Variants in PPP2R2D observed in about 807,000 individuals in gnomAD.
PPP2R2D encodes protein phosphatase 2 regulatory subunit Bdelta, also known as serine/threonine-protein phosphatase 2A 55 kDa regulatory subunit B delta isoform.
Under a neutral mutation model 31.1 loss-of-function variants are expected in PPP2R2D, and 9 were observed. That is an observed-to-expected ratio of 0.29 (90% CI 0.17 to 0.51). The LOEUF is 0.51. Among genes scored for constraint, PPP2R2D ranks in the 20% least tolerant of loss-of-function variants. The pLI is 0.98. For synonymous variants in PPP2R2D, 179 were observed against 172.6 expected, an observed-to-expected ratio of 1.04 and a Z score of -0.29; for missense variants, 391 against 465.6, an observed-to-expected ratio of 0.84 and a Z score of 1.48.
chr10:131,932,432 T>G (rs2036252340), intron 2 of PPP2R2D, among the ~76,000 whole-genome samples: 1 of 152,068 alleles, frequency 6.6e-6, no homozygotes, highest in Non-Finnish European at 1.5e-5. Flanking sequence ...CACTTGAGAC[T>G]GAAGCGGGCT....
chr10:131,957,389 C>G lies in PPP2R2D; in HGVS notation c.*1426C>G, dbSNP rs530406422. 2 of 213,146 alleles carry G rather than the reference C, an allele frequency of 9.4e-6. No homozygotes were observed. Among genetic ancestry groups the G allele is most frequent in the South Asian group, 5.4e-5 (1 of 18,600 alleles). 13.2% of individuals were successfully genotyped at this position (213,146 alleles called of 1,614,324 possible). On this transcript the variant is annotated 3_prime_UTR_variant, in exon 9 of 9. Coordinates refer to ENST00000455566, the MANE Select transcript of PPP2R2D (RefSeq NM_018461.5). ...TGGAGATGGAGGTGTGTGCTGCTCC[C>G]TCGTGCCCCTGTGGAGATGGAGGTG...
intron 2 of PPP2R2D, among the ~76,000 whole-genome samples, chr10:131,916,396 T>G (rs1178390725): frequency 6.6e-6 from 1 of 152,006 alleles, no homozygotes; most frequent in Non-Finnish European, 1.5e-5. Flanking sequence ...TGGCATAATA[T>G]TTATCATTTT....
chr10:131,918,765 G>C (rs548962415), intron 2 of PPP2R2D, among the ~76,000 whole-genome samples: 1 of 138,038 alleles, frequency 7.2e-6, no homozygotes, highest in Non-Finnish European at 1.6e-5. Context: ...GACCTCACAC[G>C]GGTGGAATGA....
At position 131,956,513 on chromosome 10, in the gene PPP2R2D, A is replaced by G; in HGVS notation, c.*550A>G. Reference sequence around the variant, plus strand: ...CCACCCCTTCGGGTGTGAGCGCTCAATAAAAACAACACACTATAAAGTGTT... The same window carrying G: ...CCACCCCTTCGGGTGTGAGCGCTCAGTAAAAACAACACACTATAAAGTGTT... On this transcript the variant is annotated 3_prime_UTR_variant, in exon 9 of 9. Coordinates refer to ENST00000455566, the MANE Select transcript of PPP2R2D (RefSeq NM_018461.5). 2.0e-6 allele frequency: 2 copies of G among 985,528 alleles called. No individual in the cohort carries two copies. The highest frequency in any genetic ancestry group is 2.4e-6 in the Non-Finnish European group (2 of 829,984). 61.0% of individuals were successfully genotyped at this position (985,528 alleles called of 1,614,324 possible). A position where few individuals can be genotyped will look rare whatever the true frequency, so the allele number is the denominator to read the frequency against.
In PPP2R2D at chr10:131,919,637, C is replaced by T. The variant is rs112603347; in HGVS notation, c.101-14821C>T. ...TGGAATGACACAGTGTTTGTAGGGACCTCAGGCGGGTAGGATGACACAGTG... is the reference window on the plus strand; with the variant it reads ...TGGAATGACACAGTGTTTGTAGGGATCTCAGGCGGGTAGGATGACACAGTG... On this transcript the variant is annotated intron_variant, in intron 2 of 8. Transcript: ENST00000455566. Among the ~76,000 whole-genome samples the T allele has an allele frequency of 7.6e-3, 806 of 106,380 alleles. 3 individuals carry two copies. The highest frequency in any genetic ancestry group is 0.025 in the Middle Eastern group (4 of 158). The allele number at this position is 106,380 out of a possible 152,430, so 69.8% of individuals were successfully genotyped here.
At chr10:131,922,619 A>C (rs1489348779) in intron 2 of PPP2R2D, among the ~76,000 whole-genome samples, 2 of 151,874 alleles carry the variant, frequency 1.3e-5, no homozygotes, top group Non-Finnish European at 2.9e-5. Context: ...CACTTGGATA[A>C]TTTTTTATAT....
intron 8 of PPP2R2D, among the ~76,000 whole-genome samples, 160 bp from the exon 9 acceptor site, chr10:131,955,524 A>G (rs1369339907): frequency 1.3e-5 from 2 of 152,118 alleles, no homozygotes; most frequent in African/African-American, 2.4e-5. Flanking sequence ...TTTTCACTGC[A>G]TTTCTCTTCT....
intron 2 of PPP2R2D, among the ~76,000 whole-genome samples, chr10:131,915,542 C>T (rs2035763759): frequency 6.6e-6 from 1 of 152,236 alleles, no homozygotes; most frequent in African/African-American, 2.4e-5. Context: ...AACTCCCCAA[C>T]TCCGTTGCCC....
At chr10:131,965,699 G>A in the PPP2R2D span, among the ~76,000 whole-genome samples, 3 of 152,220 alleles carry the variant, frequency 2.0e-5, no homozygotes, top group Admixed American at 6.5e-5. Context: ...ACCCGCCCCA[G>A]CCTCCCAAAG....
At chr10:131,911,155 G>T (rs2035676806) in intron 2 of PPP2R2D, among the ~76,000 whole-genome samples, 3 of 152,206 alleles carry the variant, frequency 2.0e-5, no homozygotes, top group Non-Finnish European at 1.5e-5. Context: ...GGCTCTCGAA[G>T]TGGGGGGCAG....
At chr10:131,948,340 T>C (rs1017443448) in intron 8 of PPP2R2D, among the ~76,000 whole-genome samples, 18 of 77,142 alleles carry the variant, frequency 2.3e-4, no homozygotes, top group Non-Finnish European at 3.5e-4. Context: ...GGTTGAGAGT[T>C]ACGTTTTTTT....
At chr10:131,953,111 G>C (rs1176850556) in intron 8 of PPP2R2D, among the ~76,000 whole-genome samples, 1 of 140,504 alleles carries the variant, frequency 7.1e-6, no homozygotes, top group Non-Finnish European at 1.5e-5. Context: ...GACTTGCGGG[G>C]GTTCCCTGTC....
chr10:131,932,554 C>T (rs782154127), intron 2 of PPP2R2D, among the ~76,000 whole-genome samples: 44 of 147,746 alleles, frequency 3.0e-4, no homozygotes, highest in Non-Finnish European at 5.3e-4. Context: ...GTAATCCCGG[C>T]GACGCAGGAG....
At chr10:131,908,059 G>C (rs1329491928) in intron 2 of PPP2R2D, among the ~76,000 whole-genome samples, 3 of 152,162 alleles carry the variant, frequency 2.0e-5, no homozygotes, top group Non-Finnish European at 4.4e-5. Context: ...GTTGCAACTT[G>C]AAAAGTGCTT....
chr10:131,935,593 T>A (rs2036324315), intron 3 of PPP2R2D, among the ~76,000 whole-genome samples: 1 of 152,252 alleles, frequency 6.6e-6, no homozygotes, highest in Non-Finnish European at 1.5e-5. Flanking sequence ...TGCAGCTTTA[T>A]TTTGATTATG....
intron 2 of PPP2R2D, among the ~76,000 whole-genome samples, chr10:131,901,790 C>T (rs1188181900): frequency 2.6e-5 from 4 of 152,090 alleles, no homozygotes; most frequent in African/African-American, 9.7e-5. Flanking sequence ...GCCTCGGCCC[C>T]CACCAGGCTC....
chr10:131,939,870 T>C (rs200303797), intron 3 of PPP2R2D, 161 bp from the exon 4 acceptor site: 1 of 118,306 alleles, frequency 8.5e-6, no homozygotes. Context: ...AGTTCGTTCT[T>C]TTTTTTTTTT....
chr10:131,917,017 G>C (rs1399898631), intron 2 of PPP2R2D, among the ~76,000 whole-genome samples: 1 of 134,824 alleles, frequency 7.4e-6, no homozygotes, highest in African/African-American at 2.7e-5. Context: ...ACAGTGTAGG[G>C]ACCTCACGTG....
intron 2 of PPP2R2D, among the ~76,000 whole-genome samples, chr10:131,915,282 C>G (rs1000288424): frequency 1.3e-5 from 2 of 152,084 alleles, no homozygotes; most frequent in African/African-American, 2.4e-5. Context: ...TGTAAACGTT[C>G]CTGGCTTTCG....
Sources: allele counts gnomAD v4.1 joint callset (sites outside exome capture counted in the v4.1 genomes callset), GRCh38; gene constraint gnomAD v4.1.1; transcripts MANE v1.5; gene names NCBI Gene and HGNC (gene_info 2026-07-23, HGNC 2026-07-21).